USH2A: variants seen among roughly 807,000 people sequenced by gnomAD.
The protein encoded by USH2A is usherin, also known as Usher syndrome 2A (autosomal recessive, mild).
A neutral mutation model predicts 538.9 loss-of-function variants in USH2A; 443 were observed. The observed-to-expected ratio is 0.82, with a 90% confidence interval of 0.76 to 0.89. USH2A has a LOEUF of 0.89. Ranked by LOEUF, USH2A falls within the 40% of genes least tolerant of loss-of-function variation. The probability of loss-of-function intolerance (pLI) is 0.00; values close to 1 mark genes in which losing one functional copy is unlikely to be tolerated. For missense variants in USH2A, 6,633 were observed against 6,324.8 expected (o/e 1.05, Z -1.65); for synonymous variants, 2,413 against 2,273.5 (o/e 1.06, Z -1.75).
At chr1:215,639,325 G>A (rs1211720351) in intron 68 of USH2A, 87 bp from the exon 69 acceptor site, 16 of 1,269,112 alleles carry the variant, frequency 1.3e-5, no homozygotes, top group Non-Finnish European at 1.8e-5. Context: ...ATGCATCATA[G>A]CATGAAAAAT....
chr1:216,252,497 G>C (rs896870735), intron 11 of USH2A, among the ~76,000 whole-genome samples: 3 of 152,172 alleles, frequency 2.0e-5, no homozygotes, highest in African/African-American at 7.2e-5. Context: ...TATAGTGAAG[G>C]ACTTAGAAAT....
intron 20 of USH2A, among the ~76,000 whole-genome samples, chr1:216,177,993 G>A (rs983165262): frequency 2.0e-4 from 31 of 152,190 alleles, no homozygotes; most frequent in Non-Finnish European, 4.4e-5. Flanking sequence ...GTCATTGCCT[G>A]TTTCAATAAA....
At chr1:216,196,868 G>A in intron 18 of USH2A, 146 bp from the exon 19 acceptor site, 6 of 951,660 alleles carry the variant, frequency 6.3e-6, no homozygotes, top group South Asian at 1.5e-5. Context: ...GAATATGCTG[G>A]TATATGTAAA....
At chr1:215,728,807 T>C (rs2102714244) in intron 60 of USH2A, among the ~76,000 whole-genome samples, 1 of 152,330 alleles carries the variant, frequency 6.6e-6, no homozygotes, top group Middle Eastern at 3.4e-3. Flanking sequence ...CAGAAGCATA[T>C]ATTAAACATT....
intron 40 of USH2A, among the ~76,000 whole-genome samples, chr1:215,891,926 C>A (rs897051738): frequency 6.6e-6 from 1 of 152,104 alleles, no homozygotes; most frequent in Admixed American, 6.6e-5. Context: ...TCCTTTCTGT[C>A]CAGATCACAG....
At chr1:215,884,285 C>T (rs1413948533) in intron 41 of USH2A, among the ~76,000 whole-genome samples, 1 of 152,016 alleles carries the variant, frequency 6.6e-6, no homozygotes, top group African/African-American at 2.4e-5. Context: ...AAACAAAAAA[C>T]ATCGGCATTC....
intron 37 of USH2A, among the ~76,000 whole-genome samples, chr1:215,940,482 A>T (rs1242757926): frequency 6.6e-6 from 1 of 152,164 alleles, no homozygotes; most frequent in Non-Finnish European, 1.5e-5. Flanking sequence ...TGTTTCTTCC[A>T]GATTCCATTT....
intron 38 of USH2A, among the ~76,000 whole-genome samples, chr1:215,902,390 A>C (rs1665525066): frequency 1.3e-5 from 2 of 152,302 alleles, no homozygotes; most frequent in Non-Finnish European, 2.9e-5. Flanking sequence ...GTTCATTAAT[A>C]ATTCATTCAT....
At chr1:216,090,522 C>T (rs1407960952) in intron 22 of USH2A, among the ~76,000 whole-genome samples, 1 of 151,874 alleles carries the variant, frequency 6.6e-6, no homozygotes, top group African/African-American at 2.4e-5. Flanking sequence ...ACAGACAACT[C>T]CATCAGCTAG....
intron 32 of USH2A, among the ~76,000 whole-genome samples, chr1:216,041,895 T>C (rs906791287): frequency 5.3e-5 from 8 of 152,058 alleles, no homozygotes; most frequent in African/African-American, 1.9e-4. Context: ...AATTCACTGC[T>C]GACAACTTTC....
intron 21 of USH2A, among the ~76,000 whole-genome samples, chr1:216,098,408 T>A (rs2032497128): frequency 6.6e-6 from 1 of 152,220 alleles, no homozygotes; most frequent in Admixed American, 6.5e-5. Context: ...GAATGAATAC[T>A]GATTTGAGTA....
chr1:216,368,771 A>G (rs780663265), intron 3 of USH2A, among the ~76,000 whole-genome samples: 49 of 152,162 alleles, frequency 3.2e-4, no homozygotes, highest in Non-Finnish European at 6.0e-4. Flanking sequence ...TTGCTTTGAG[A>G]AATTATGTCT....
At chr1:215,652,734 C>G (rs1308081915) in intron 64 of USH2A, among the ~76,000 whole-genome samples, 1 of 152,124 alleles carries the variant, frequency 6.6e-6, no homozygotes, top group African/African-American at 2.4e-5. Context: ...GTGGGGGGGA[C>G]ACCTATTATT....
intron 21 of USH2A, among the ~76,000 whole-genome samples, chr1:216,103,649 A>G (rs1325982525): frequency 6.6e-6 from 1 of 152,248 alleles, no homozygotes; most frequent in Non-Finnish European, 1.5e-5. Flanking sequence ...ATCTTTTATC[A>G]GAAATTTAAA....
intron 37 of USH2A, among the ~76,000 whole-genome samples, chr1:215,963,565 T>G (rs1571850697): frequency 6.6e-6 from 1 of 152,132 alleles, no homozygotes; most frequent in Non-Finnish European, 1.5e-5. Flanking sequence ...GACCAGGTTT[T>G]CCCTCCACTA....
At chr1:216,195,491 G>C (rs1013707428) in intron 19 of USH2A, among the ~76,000 whole-genome samples, 2 of 152,132 alleles carry the variant, frequency 1.3e-5, no homozygotes, top group Non-Finnish European at 2.9e-5. Context: ...TGAAACAGCA[G>C]AGCGAAGAAA....
In USH2A at chr1:215,675,626, G is replaced by C; in HGVS notation, c.12295-10C>G. 2.5e-6 allele frequency: 4 copies of C among 1,614,064 alleles called. No individual in the cohort carries two copies. The highest frequency in any genetic ancestry group is 3.4e-6 in the Non-Finnish European group (4 of 1,179,992). On this transcript the variant is annotated splice_polypyrimidine_tract_variant and intron_variant, in intron 62 of 71. Transcript: ENST00000307340. ...TGAAGATGTTGTATGTCTACAGAAG[G>C]ACAGAAGCAAAAGGGATAACTTGCA... is the stretch of plus-strand genomic sequence containing the variant.
intron 30 of USH2A, among the ~76,000 whole-genome samples, chr1:216,064,582 G>A (rs2031291156): frequency 6.6e-6 from 1 of 151,892 alleles, no homozygotes; most frequent in Non-Finnish European, 1.5e-5. Context: ...GCTGCCATGT[G>A]GTCATGTGCT....
In USH2A at chr1:216,246,875, T is replaced by A. The variant is rs1190914255; in HGVS notation, c.2519A>T (p.Asn840Ile). The A allele has an allele frequency of 1.9e-6, 3 of 1,613,998 alleles. No homozygotes were observed. The highest frequency in any genetic ancestry group is 2.5e-6 in the Non-Finnish European group (3 of 1,179,972). ...GTTGCAAGGCAGACAGAGGAAAGAA[T>A]TATTTTGCCGTAGGTAGAAGTTTCC... ...LEGNFYLRQN[N>I]SFLCLPCNCD... Residue 840 changes from asparagine (N) to isoleucine (I), a missense_variant, in exon 13 of 72, where the codon AAT (asparagine) becomes ATT (isoleucine). Physicochemically the swap from Asn to Ile is moderately radical, Grantham distance 149. Coordinates refer to ENST00000307340, the MANE Select transcript of USH2A (RefSeq NM_206933.4).
Sources: gnomAD v4.1 joint callset for allele counts (sites outside exome capture counted in the v4.1 genomes callset) on GRCh38, gnomAD v4.1.1 for gene constraint, MANE v1.5 for transcripts, NCBI Gene and HGNC (gene_info 2026-07-23, HGNC 2026-07-21) for gene names.